RPS4Y1: variants seen among roughly 807,000 people sequenced by gnomAD.
The protein encoded by RPS4Y1 is small ribosomal subunit protein eS4, Y isoform 1.
For missense variants in RPS4Y1, 30 were observed against 60.9 expected, an observed-to-expected ratio of 0.49 and a Z score of 1.69; for synonymous variants, 23 against 20.8, an observed-to-expected ratio of 1.10 and a Z score of -0.28.
At chrY:2,862,073 G>A (rs2051164033) in intron 5 of RPS4Y1, among the ~76,000 whole-genome samples, 1 of 24,370 alleles carries the variant, frequency 4.1e-5, no homozygotes, top group Non-Finnish European at 9.5e-5. Context: ...TTTTTTCCAA[G>A]ACAAGAGTCT....
chrY:2,842,881 A>G (rs2051150109), intron 2 of RPS4Y1, among the ~76,000 whole-genome samples: 2 of 33,655 alleles, frequency 5.9e-5, no homozygotes, highest in Non-Finnish European at 7.4e-5. Flanking sequence ...CTTCTGAGAC[A>G]GAGAGGAGCC....
chrY:2,863,802 CT>C (rs2051165226), intron 5 of RPS4Y1, among the ~76,000 whole-genome samples: 1 of 33,687 alleles, frequency 3.0e-5, no homozygotes, highest in Non-Finnish European at 7.3e-5. Flanking sequence ...AATCTTGGGC[CT>C]TTTATGTGAT....
At chrY:2,841,926 TG>T in intron 1 of RPS4Y1, 1 of 377,153 alleles carries the variant, frequency 2.7e-6, no homozygotes, top group South Asian at 3.2e-5. Context: ...GAGAGCACTG[TG>T]GACGCTCTCT....
chrY:2,865,945 G>C (rs998051056), intron 6 of RPS4Y1, among the ~76,000 whole-genome samples: 1 of 33,374 alleles, frequency 3.0e-5, no homozygotes, highest in African/African-American at 1.2e-4. Context: ...GCAGTGGCAC[G>C]ATCTCAGCTC....
intron 1 of RPS4Y1, 171 bp from the exon 2 acceptor site, chrY:2,841,994 C>T: frequency 5.7e-6 from 2 of 351,773 alleles, no homozygotes; most frequent in Non-Finnish European, 8.1e-6. Context: ...TGCGTGGTCT[C>T]TTCTGGGGTC....
At chrY:2,857,087 C>CA (rs1556371654) in intron 5 of RPS4Y1, among the ~76,000 whole-genome samples, 5 of 27,572 alleles carry the variant, frequency 1.8e-4, no homozygotes, top group Non-Finnish European at 3.5e-4. Flanking sequence ...ATTGTGGTTT[C>CA]AAAAAAAAAA....
intron 5 of RPS4Y1, among the ~76,000 whole-genome samples, chrY:2,863,241 C>CA (rs2051164949): frequency 2.9e-4 from 10 of 33,948 alleles, no homozygotes; most frequent in African/African-American, 6.9e-4. Flanking sequence ...TTGAAAGAAT[C>CA]AATGTTTTCA....
At chrY:2,844,322 G>A in intron 3 of RPS4Y1, 65 bp downstream of exon 3, 1 of 271,044 alleles carries the variant, frequency 3.7e-6, no homozygotes, top group African/African-American at 7.2e-5. Context: ...CAAGATGTAG[G>A]GCTCTCATGT....
intron 5 of RPS4Y1, among the ~76,000 whole-genome samples, chrY:2,856,727 G>C (rs561791037): frequency 0.085 from 2,720 of 31,848 alleles, no homozygotes; most frequent in East Asian, 0.06. Flanking sequence ...CTCCCAAGTA[G>C]AGACAGGGTT....
At chrY:2,861,607 CTTTTTTTTTTT>C (rs1267656120) in intron 5 of RPS4Y1, among the ~76,000 whole-genome samples, 1 of 11,483 alleles carries the variant, frequency 8.7e-5, no homozygotes, top group Non-Finnish European at 1.9e-4. Context: ...CCCTGTATGT[CTTTTTTTTTTT>C]TTTTTTTTTT....
intron 4 of RPS4Y1, among the ~76,000 whole-genome samples, chrY:2,852,852 T>TG (rs2051157016): frequency 2.9e-5 from 1 of 33,982 alleles, no homozygotes; most frequent in Non-Finnish European, 7.3e-5. Flanking sequence ...TTTGGACTGC[T>TG]GGCTTATATT....
rs1182338472 is a variant in RPS4Y1 at position 2,844,260 on chromosome Y, A to G, written c.262+3A>G. 1 of 391,082 alleles carries G rather than the reference A, an allele frequency of 2.6e-6. No individual in the cohort carries two copies. ...CACATACCCTGCTGGATTCATGGGT[A>G]AGGAAAGAGTTCTTTGTTTTGTTTT... On this transcript the variant is annotated splice_donor_region_variant and intron_variant, in intron 3 of 6. Coordinates refer to ENST00000250784, the MANE Select transcript of RPS4Y1 (RefSeq NM_001008.4).
intron 6 of RPS4Y1, among the ~76,000 whole-genome samples, 195 bp from the exon 7 acceptor site, chrY:2,866,598 A>G: frequency 3.0e-5 from 1 of 33,748 alleles, no homozygotes; most frequent in African/African-American, 1.2e-4. Flanking sequence ...AGTGGGAGGG[A>G]CTGTGAGAGG....
In RPS4Y1 at chrY:2,845,760, A is replaced by G. The variant is rs768469055; in HGVS notation, c.360+17A>G. On this transcript the variant is annotated intron_variant, in intron 4 of 6. Coordinates refer to ENST00000250784, the MANE Select transcript of RPS4Y1 (RefSeq NM_001008.4). Reference sequence around the variant, plus strand: ...GAGGCAAAGGTATGTTGCACAAGTCAAGTGAGCTTTGTAATTTCCAGACAG... The same window carrying G: ...GAGGCAAAGGTATGTTGCACAAGTCGAGTGAGCTTTGTAATTTCCAGACAG... 2.8e-6 allele frequency: 1 copy of G among 358,170 alleles called. No homozygotes were observed. Among genetic ancestry groups the G allele is most frequent in the Admixed American group, 7.4e-5 (1 of 13,462 alleles). 89.3% of individuals were successfully genotyped at this position (358,170 alleles called of 400,897 possible).
intron 5 of RPS4Y1, among the ~76,000 whole-genome samples, chrY:2,857,020 C>T: frequency 6.2e-5 from 2 of 32,078 alleles, no homozygotes; most frequent in South Asian, 1.4e-3. Flanking sequence ...TGAGTGAGGG[C>T]AAAGGTTTTT....
intron 5 of RPS4Y1, among the ~76,000 whole-genome samples, chrY:2,855,825 T>G: frequency 1.2e-4 from 4 of 33,347 alleles, no homozygotes; most frequent in Non-Finnish European, 3.0e-4. Context: ...GCAGGAATAC[T>G]TACATTCAGG....
rs199881488 is a variant in RPS4Y1, at chrY:2,858,361, T to G, written c.532+3590T>G. 1.9e-3 allele frequency among the ~76,000 whole-genome samples: 62 copies of G among 33,444 alleles called. No individual in the cohort carries two copies. The East Asian group carries it at 0.048, about 26-fold the overall frequency. 89.7% of individuals were successfully genotyped at this position (33,444 alleles called of 37,273 possible). A position where few individuals can be genotyped will look rare whatever the true frequency, so the allele number is the denominator to read the frequency against. ...CACCCTTACTGATTGTTTCTTTTGG[T>G]TGGCAGGCATTTTTAAATTTGTCAG... On this transcript the variant is annotated intron_variant, in intron 5 of 6. Transcript: ENST00000250784.
chrY:2,854,377 C>T, intron 4 of RPS4Y1: 1 of 129,048 alleles, frequency 7.7e-6, no homozygotes, highest in Non-Finnish European at 1.5e-5. Context: ...CCAGAGGGTT[C>T]TGAAACAGAT....
chrY:2,861,803 G>A (rs2051163785), intron 5 of RPS4Y1, among the ~76,000 whole-genome samples: 2 of 29,721 alleles, frequency 6.7e-5, no homozygotes, highest in Non-Finnish European at 1.6e-4. Flanking sequence ...TAGTAGAGAC[G>A]GGATTTCTCC....
Sources: allele counts gnomAD v4.1 joint callset (sites outside exome capture counted in the v4.1 genomes callset), GRCh38; gene constraint gnomAD v4.1.1; transcripts MANE v1.5; gene names NCBI Gene and HGNC (gene_info 2026-07-23, HGNC 2026-07-21).